The following CTNNA3 variants were observed in gnomAD, a reference collection of about 807,000 sequenced individuals.
CTNNA3 encodes the protein catenin alpha 3.
Under a neutral mutation model 95.7 loss-of-function variants are expected in CTNNA3, and 76 were observed. The ratio of observed to expected loss-of-function variants is 0.79; its 90% CI spans 0.66 to 0.96. CTNNA3 has a LOEUF of 0.96. CTNNA3 is among the 40% of genes least tolerant of loss of function. The pLI is 0.00. For synonymous variants in CTNNA3, 431 were observed against 374.4 expected, an observed-to-expected ratio of 1.15 and a Z score of -1.74; for missense variants, 1,191 against 1,089.8, an observed-to-expected ratio of 1.09 and a Z score of -1.31.
chr10:66,329,901 C>A (rs1008996662), intron 12 of CTNNA3, among the ~76,000 whole-genome samples: 2 of 151,968 alleles, frequency 1.3e-5, no homozygotes, highest in African/African-American at 4.8e-5. Flanking sequence ...ATTCCTCCTG[C>A]TGTTTTTCAT....
At chr10:66,062,240 A>C (rs990291933) in intron 15 of CTNNA3, among the ~76,000 whole-genome samples, 1 of 152,190 alleles carries the variant, frequency 6.6e-6, no homozygotes, top group African/African-American at 2.4e-5. Flanking sequence ...TATTTGAATA[A>C]AATGAGAAAA....
At chr10:67,204,598 A>T (rs1863809286) in intron 6 of CTNNA3, among the ~76,000 whole-genome samples, 1 of 152,164 alleles carries the variant, frequency 6.6e-6, no homozygotes, top group South Asian at 2.1e-4. Flanking sequence ...AAGAAAGCTG[A>T]ATTTATGGGA....
rs954905899 is a variant in CTNNA3, at chr10:66,159,828, T to G, written c.1885-56579A>C. 2.6e-5 allele frequency among the ~76,000 whole-genome samples: 4 copies of G among 151,938 alleles called. No individual in the cohort carries two copies. The East Asian group carries it at 7.7e-4, about 29-fold the overall frequency. On this transcript the variant is annotated intron_variant, in intron 13 of 17. Transcript: ENST00000433211. ...TCCTGTATTTTATTTTTGTTGGTAA[T>G]TTTTCAATTACTATTTCAATCTCAC...
intron 15 of CTNNA3, among the ~76,000 whole-genome samples, chr10:66,042,733 C>G (rs945571535): frequency 6.6e-6 from 1 of 150,778 alleles, no homozygotes; most frequent in Admixed American, 6.6e-5. Flanking sequence ...AATCTTGTCT[C>G]TAGTAGAAAT....
intron 3 of CTNNA3, among the ~76,000 whole-genome samples, chr10:67,588,821 T>G (rs1348444462): frequency 6.6e-6 from 1 of 152,082 alleles, no homozygotes; most frequent in East Asian, 1.9e-4. Flanking sequence ...TTTTTAGATA[T>G]CTAAATCTAA....
chr10:66,271,661 C>T (rs1589904599), intron 13 of CTNNA3, among the ~76,000 whole-genome samples: 1 of 152,128 alleles, frequency 6.6e-6, no homozygotes, highest in East Asian at 1.9e-4. Context: ...ATGCTTGGCT[C>T]CTTATATTCA....
chr10:67,163,550 T>G (rs1434491480), intron 7 of CTNNA3, among the ~76,000 whole-genome samples: 1 of 151,962 alleles, frequency 6.6e-6, no homozygotes, highest in African/African-American at 2.4e-5. Context: ...GCTTTCCCCC[T>G]AAAATAGGCA....
chr10:67,228,474 G>A (rs558988402), intron 5 of CTNNA3, among the ~76,000 whole-genome samples: 3 of 152,118 alleles, frequency 2.0e-5, no homozygotes, highest in East Asian at 1.9e-4. Flanking sequence ...TTAGCAGGGC[G>A]TGGTGGCAGG....
intron 7 of CTNNA3, among the ~76,000 whole-genome samples, chr10:67,062,084 T>G (rs1855787887): frequency 6.6e-6 from 1 of 152,156 alleles, no homozygotes; most frequent in South Asian, 2.1e-4. Flanking sequence ...AAGAACTCAC[T>G]AATATGAACC....
rs114998546 is a variant in CTNNA3, at chr10:67,402,535, G to A, written c.579+119307C>T. On this transcript the variant is annotated intron_variant, in intron 5 of 17. Transcript: ENST00000433211. ...CTTCAACTGAAATATCCAGGTTTTC[G>A]CACTGGGACTGATCAGGGAAATAAC... Among the ~76,000 whole-genome samples the A allele has an allele frequency of 3.6e-3, 555 of 152,266 alleles. 6 individuals are homozygous for A. Among genetic ancestry groups the A allele is most frequent in the African/African-American group, 0.013 (530 of 41,548 alleles).
chr10:66,830,338 A>T (rs1302305270), intron 7 of CTNNA3, among the ~76,000 whole-genome samples: 1 of 152,224 alleles, frequency 6.6e-6, no homozygotes, highest in Non-Finnish European at 1.5e-5. Context: ...AAGATATTTA[A>T]AATGCAAACA....
chr10:66,589,876 G>A, intron 10 of CTNNA3, among the ~76,000 whole-genome samples: 1 of 151,964 alleles, frequency 6.6e-6, no homozygotes, highest in Admixed American at 6.5e-5. Flanking sequence ...AGTGTACTGT[G>A]ATATATGAAT....
At chr10:67,661,797 T>A (rs1840198835) in intron 1 of CTNNA3, among the ~76,000 whole-genome samples, 1 of 152,130 alleles carries the variant, frequency 6.6e-6, no homozygotes, top group Admixed American at 6.5e-5. Flanking sequence ...TCAACATCAT[T>A]AGTCACTAGA....
intron 15 of CTNNA3, among the ~76,000 whole-genome samples, chr10:66,028,452 A>C (rs954323601): frequency 1.3e-5 from 2 of 152,142 alleles, no homozygotes; most frequent in Non-Finnish European, 2.9e-5. Flanking sequence ...GTAAGGACAT[A>C]GATGAAGCTG....
At chr10:66,365,663 T>C (rs570074582) in intron 12 of CTNNA3, among the ~76,000 whole-genome samples, 1 of 152,256 alleles carries the variant, frequency 6.6e-6, no homozygotes, top group Admixed American at 6.5e-5. Flanking sequence ...CTGGTATTCA[T>C]GCCCTATTCG....
chr10:66,489,112 T>C (rs1839833689), intron 11 of CTNNA3, among the ~76,000 whole-genome samples: 1 of 152,236 alleles, frequency 6.6e-6, no homozygotes, highest in African/African-American at 2.4e-5. Context: ...ACAGGGTGCA[T>C]TGACGAACCA....
Position 66,802,504 on chromosome 10 carries a change from G to C in CTNNA3, c.1048-26980C>G, listed in dbSNP as rs189245945. On this transcript the variant is annotated intron_variant, in intron 7 of 17. Coordinates refer to ENST00000433211, the MANE Select transcript of CTNNA3 (RefSeq NM_013266.4). The stretch of plus-strand genomic sequence containing the variant: ...ACTGACCGTACCAAATGTTGGCAAG[G>C]ATGTGGAACAATTTGGAACTCTCTT... 4.6e-5 allele frequency among the ~76,000 whole-genome samples: 7 copies of C among 151,906 alleles called. No individual in the cohort carries two copies. The East Asian group carries it at 1.4e-3, about 29-fold the overall frequency.
intron 7 of CTNNA3, among the ~76,000 whole-genome samples, chr10:66,898,648 C>A (rs1008679567): frequency 7.9e-5 from 12 of 152,138 alleles, no homozygotes; most frequent in African/African-American, 2.7e-4. Context: ...ATGCAAAGAA[C>A]AAAACTGGAT....
chr10:67,516,326 T>C (rs1361474344), intron 5 of CTNNA3, among the ~76,000 whole-genome samples: 1 of 152,230 alleles, frequency 6.6e-6, no homozygotes, highest in Non-Finnish European at 1.5e-5. Context: ...ACTACTTTTT[T>C]CTTGCTATAA....
Sources: gnomAD v4.1 joint callset for allele counts (sites outside exome capture counted in the v4.1 genomes callset) on GRCh38, gnomAD v4.1.1 for gene constraint, MANE v1.5 for transcripts, NCBI Gene and HGNC (gene_info 2026-07-23, HGNC 2026-07-21) for gene names.